Variants in NEGR1 observed in about 807,000 individuals in gnomAD.
NEGR1 encodes the protein IgLON family member 4.
In NEGR1, 10 loss-of-function variants were observed where a neutral mutation model predicts 40.9. The ratio of observed to expected loss-of-function variants is 0.24; its 90% confidence interval spans 0.15 to 0.42. The LOEUF is 0.42. NEGR1 is among the 10% of genes least tolerant of loss of function. NEGR1 has a pLI of 1.00. For missense variants in NEGR1, 352 were observed against 438.9 expected, an observed-to-expected ratio of 0.80 and a Z score of 1.77; for synonymous variants, 185 against 166.8, an observed-to-expected ratio of 1.11 and a Z score of -0.84.
At chr1:71,611,412 T>C (rs1301814812) in intron 4 of NEGR1, among the ~76,000 whole-genome samples, 1 of 152,100 alleles carries the variant, frequency 6.6e-6, no homozygotes, top group Non-Finnish European at 1.5e-5. Flanking sequence ...ACTGGAAAAA[T>C]GGCATTGGTG....
intron 1 of NEGR1, among the ~76,000 whole-genome samples, chr1:72,022,278 T>TC (rs1646767056): frequency 1.8e-5 from 2 of 112,524 alleles, no homozygotes; most frequent in South Asian, 4.9e-4. Flanking sequence ...TATATATATA[T>TC]ATATATATAT....
chr1:71,862,434 C>T (rs1421870133), intron 2 of NEGR1, among the ~76,000 whole-genome samples: 1 of 152,044 alleles, frequency 6.6e-6, no homozygotes, highest in African/African-American at 2.4e-5. Context: ...TTTCCCTAGA[C>T]ATCTCTTACC....
chr1:71,982,817 T>G (rs1054555656), intron 1 of NEGR1, among the ~76,000 whole-genome samples: 3 of 152,122 alleles, frequency 2.0e-5, no homozygotes, highest in African/African-American at 7.2e-5. Context: ...AAATGAAATA[T>G]AATTTATAAA....
chr1:71,628,378 T>C (rs1305463551), intron 4 of NEGR1, among the ~76,000 whole-genome samples: 4 of 152,006 alleles, frequency 2.6e-5, no homozygotes, highest in Admixed American at 2.6e-4. Flanking sequence ...GTCCATAAAA[T>C]ATTACAGTTT....
intron 6 of NEGR1, among the ~76,000 whole-genome samples, chr1:71,532,599 C>T (rs1184682189): frequency 6.6e-6 from 1 of 151,608 alleles, no homozygotes. Flanking sequence ...AGAAGCTAAT[C>T]ACCTTGCAAC....
intron 5 of NEGR1, among the ~76,000 whole-genome samples, chr1:71,604,966 A>C (rs558746117): frequency 6.6e-6 from 1 of 152,226 alleles, no homozygotes; most frequent in East Asian, 1.9e-4. Flanking sequence ...ACAGCTTTTA[A>C]ACTAGTATAT....
chr1:71,418,451 C>T (rs1441738159), intron 6 of NEGR1, among the ~76,000 whole-genome samples: 1 of 151,916 alleles, frequency 6.6e-6, no homozygotes, highest in Non-Finnish European at 1.5e-5. Flanking sequence ...GTAGCTGGGA[C>T]TACAGGTGCC....
intron 1 of NEGR1, among the ~76,000 whole-genome samples, chr1:72,084,526 T>C (rs904400320): frequency 6.6e-6 from 1 of 152,216 alleles, no homozygotes; most frequent in African/African-American, 2.4e-5. Flanking sequence ...TTTTGTTTTT[T>C]GCTATGTATC....
chr1:71,787,570 T>C (rs1472507375), intron 2 of NEGR1, among the ~76,000 whole-genome samples: 2 of 152,178 alleles, frequency 1.3e-5, no homozygotes, highest in Non-Finnish European at 2.9e-5. Flanking sequence ...ATTTTTTTTT[T>C]GTAGCTTACA....
intron 4 of NEGR1, among the ~76,000 whole-genome samples, chr1:71,692,248 C>T (rs1392434190): frequency 6.6e-6 from 1 of 151,400 alleles, no homozygotes; most frequent in Non-Finnish European, 1.5e-5. Flanking sequence ...CAACTCTATG[C>T]CTTTTTCTCC....
intron 2 of NEGR1, among the ~76,000 whole-genome samples, chr1:71,913,054 C>A (rs1661464476): frequency 6.6e-6 from 1 of 152,044 alleles, no homozygotes; most frequent in Non-Finnish European, 1.5e-5. Context: ...ATCCTAAATT[C>A]ATGTTATTTC....
intron 2 of NEGR1, among the ~76,000 whole-genome samples, chr1:71,903,247 C>T (rs888581854): frequency 2.0e-5 from 3 of 151,846 alleles, no homozygotes; most frequent in Non-Finnish European, 2.9e-5. Flanking sequence ...GGTATGTAAA[C>T]ATTTATTTTA....
chr1:72,282,456 C>A lies in NEGR1; in HGVS notation c.39G>T (p.Ser13=). 1 of 1,613,690 alleles carries A rather than the reference C, an allele frequency of 6.2e-7. No homozygotes were observed. The highest frequency in any genetic ancestry group is 8.5e-7 in the Non-Finnish European group (1 of 1,179,994). ...GGAGCACCGCCGCCAGCCACTGGTT[C>A]GAGCAACAAGCACCCTGCACCAACA... The part of the protein sequence containing the change: ...MMLLVQGACC[S]NQWLAAVLLS... The change falls in exon 1 of 7, where the codon TCG becomes TCT. Residue 13 remains serine, a synonymous_variant. Coordinates refer to ENST00000357731, the MANE Select transcript of NEGR1 (RefSeq NM_173808.3).
At chr1:71,815,395 G>A (rs1319499276) in intron 2 of NEGR1, among the ~76,000 whole-genome samples, 1 of 152,052 alleles carries the variant, frequency 6.6e-6, no homozygotes, top group Non-Finnish European at 1.5e-5. Flanking sequence ...GTTTTTGGGT[G>A]GAGAGTTCTG....
rs1202801701 is a variant in NEGR1 at position 71,435,108 on chromosome 1, AAC to A, written c.941-27540_941-27539del. On this transcript the variant is annotated intron_variant, in intron 6 of 6. Transcript: ENST00000357731. ...TCCATCTCAAACAAACAAACAAACA[AAC>A]AAAAAAAAAAAAAAAAGAGGGAATT... Among the ~76,000 whole-genome samples the A allele has an allele frequency of 1.6e-3, 242 of 147,684 alleles. 1 individual carries two copies. Among genetic ancestry groups the A allele is most frequent in the African/African-American group, 5.8e-3 (231 of 39,834 alleles).
chr1:72,084,908 G>A (rs995021734), intron 1 of NEGR1, among the ~76,000 whole-genome samples: 8 of 152,164 alleles, frequency 5.3e-5, no homozygotes, highest in African/African-American at 1.7e-4. Context: ...TGATGGAAAC[G>A]ATTATAAAAG....
intron 1 of NEGR1, among the ~76,000 whole-genome samples, chr1:72,159,077 C>T (rs775615452): frequency 6.6e-6 from 1 of 152,110 alleles, no homozygotes; most frequent in Non-Finnish European, 1.5e-5. Context: ...CTAGATCCTA[C>T]ATATCTACTA....
intron 1 of NEGR1, among the ~76,000 whole-genome samples, chr1:71,964,978 G>A (rs770928125): frequency 2.0e-4 from 30 of 152,114 alleles, no homozygotes; most frequent in Non-Finnish European, 4.0e-4. Flanking sequence ...TTCGAGTTTA[G>A]CATGGTAATA....
chr1:72,216,997 T>A (rs1653843675), intron 1 of NEGR1, among the ~76,000 whole-genome samples: 1 of 151,582 alleles, frequency 6.6e-6, no homozygotes, highest in African/African-American at 2.4e-5. Flanking sequence ...TGCAGCTTTG[T>A]TAAAACACTT....
Sources: allele counts gnomAD v4.1 joint callset (sites outside exome capture counted in the v4.1 genomes callset), GRCh38; gene constraint gnomAD v4.1.1; transcripts MANE v1.5; gene names NCBI Gene and HGNC (gene_info 2026-07-23, HGNC 2026-07-21).